Variants in WDR44 observed in about 807,000 individuals in gnomAD.
WDR44 encodes the protein WD repeat domain 44, also known as WD repeat-containing protein 44.
Under a neutral mutation model 65.7 loss-of-function variants are expected in WDR44, and 9 were observed. That is an observed-to-expected ratio of 0.14 (90% CI 0.08 to 0.24). The LOEUF is 0.24. Among genes scored for constraint, WDR44 ranks in the 10% least tolerant of loss-of-function variants. The probability of loss-of-function intolerance (pLI) is 1.00; values close to 1 mark genes in which losing one functional copy is unlikely to be tolerated. For missense variants in WDR44, 425 were observed against 670.9 expected, an observed-to-expected ratio of 0.63 and a Z score of 4.05; for synonymous variants, 220 against 235.2, an observed-to-expected ratio of 0.94 and a Z score of 0.59.
chrX:118,410,498 G>A (rs2057003998), intron 11 of WDR44, among the ~76,000 whole-genome samples: 1 of 111,585 alleles, frequency 9.0e-6, no homozygotes, highest in African/African-American at 3.3e-5. Context: ...TCCTAGCTGT[G>A]TGTCATTTCT....
chrX:118,364,844 T>C lies in WDR44; in HGVS notation c.78-13575T>C, dbSNP rs751167709. Among the ~76,000 whole-genome samples, 3 of 112,491 alleles carry C rather than the reference T, an allele frequency of 2.7e-5. No homozygotes were observed. The South Asian group carries it at 1.1e-3, about 41-fold the overall frequency. ...TAAACTCAGGTTGTTACTGAGATTG[T>C]TAGGTTGAACAAAAGCCTATCTCTT... is the stretch of plus-strand genomic sequence containing the variant. On this transcript the variant is annotated intron_variant, in intron 1 of 19. Transcript: ENST00000254029.
intron 1 of WDR44, among the ~76,000 whole-genome samples, chrX:118,368,068 T>C (rs2056569374): frequency 8.9e-6 from 1 of 111,961 alleles, no homozygotes; most frequent in African/African-American, 3.3e-5. Flanking sequence ...GTTCTCAACA[T>C]ACTAAATTAG....
chrX:118,441,022 C>T (rs914340719), intron 14 of WDR44, among the ~76,000 whole-genome samples: 3 of 83,334 alleles, frequency 3.6e-5, no homozygotes, highest in Admixed American at 3.5e-4. Context: ...TACAGTGGTG[C>T]GATCTTGGCT....
intron 8 of WDR44, among the ~76,000 whole-genome samples, chrX:118,400,890 A>G (rs1308541599): frequency 7.9e-4 from 77 of 97,814 alleles, no homozygotes; most frequent in Middle Eastern, 9.8e-3. Flanking sequence ...TCATTGTTCA[A>G]TTCCCACCTA....
intron 18 of WDR44, 141 bp from the exon 19 acceptor site, chrX:118,444,219 T>G: frequency 6.2e-6 from 4 of 650,400 alleles, no homozygotes; most frequent in Non-Finnish European, 8.8e-6. Flanking sequence ...ATGTGATTTT[T>G]TTTAGAAAAA....
At chrX:118,399,251 G>A (rs939460761) in intron 8 of WDR44, among the ~76,000 whole-genome samples, 11 of 111,921 alleles carry the variant, frequency 9.8e-5, no homozygotes, top group African/African-American at 2.3e-4. Context: ...CAATCAAAGC[G>A]TATGTTGCAA....
chrX:118,382,253 T>C (rs1472264270), intron 2 of WDR44, among the ~76,000 whole-genome samples: 1 of 111,387 alleles, frequency 9.0e-6, no homozygotes, highest in Non-Finnish European at 1.9e-5. Flanking sequence ...TGTTTGTTTG[T>C]TTTTGCTCGG....
chrX:118,352,352 A>ATTTTTTTTTTT (rs556374639), intron 1 of WDR44, among the ~76,000 whole-genome samples: 3 of 14,224 alleles, frequency 2.1e-4, no homozygotes, highest in African/African-American at 1.1e-3. Context: ...ATATATATAT[A>ATTTTTTTTTTT]TTTTTTTTTT....
chrX:118,388,399 C>T (rs1490221625), intron 3 of WDR44, among the ~76,000 whole-genome samples: 1 of 111,352 alleles, frequency 9.0e-6, no homozygotes, highest in Non-Finnish European at 1.9e-5. Context: ...TCCCACCTCA[C>T]CCTCCTGAGT....
At chrX:118,422,430 C>T (rs1284693941) in intron 12 of WDR44, among the ~76,000 whole-genome samples, 3 of 109,786 alleles carry the variant, frequency 2.7e-5, no homozygotes, top group African/African-American at 1.0e-4. Flanking sequence ...GTGGCTCATG[C>T]CTGTAATCCT....
intron 1 of WDR44, among the ~76,000 whole-genome samples, chrX:118,376,874 C>T (rs149827047): frequency 1.7e-3 from 192 of 110,353 alleles, no homozygotes; most frequent in Admixed American, 0.015. Context: ...CATGGTGGCA[C>T]GTGCCTGTAG....
In WDR44 at chrX:118,406,880, C is replaced by T; in HGVS notation, c.1387C>T (p.His463Tyr). 1.7e-6 allele frequency: 2 copies of T among 1,206,246 alleles called. No homozygotes were observed. Among genetic ancestry groups the T allele is most frequent in the Non-Finnish European group, 2.2e-6 (2 of 892,355 alleles). ...TCTGTTGCTTTTCTGTTCAGTGTTT[C>T]ATACTGATCAAGATGATCCTTCATC... ...KVKSVRDEVF[H>Y]TDQDDPSSSD... is the part of the protein sequence containing the mutation. The change falls in exon 10 of 20, where the codon CAT becomes TAT. Residue 463 changes from histidine (H) to tyrosine (Y), a missense_variant. Physicochemically the swap from His to Tyr is moderately conservative, Grantham distance 83. Coordinates refer to ENST00000254029, the MANE Select transcript of WDR44 (RefSeq NM_019045.5).
chrX:118,390,487 C>T (rs1458779028), intron 3 of WDR44, among the ~76,000 whole-genome samples: 2 of 111,521 alleles, frequency 1.8e-5, no homozygotes, highest in Admixed American at 1.9e-4. Context: ...ATAGTTCATA[C>T]TATACTGAAC....
chrX:118,418,429 G>C (rs1055303087), intron 12 of WDR44, among the ~76,000 whole-genome samples: 1 of 110,781 alleles, frequency 9.0e-6, no homozygotes, highest in African/African-American at 3.3e-5. Flanking sequence ...CCTGTGAGCC[G>C]AGCTGCAGGG....
Position 118,441,450 on chromosome X carries a change from A to G in WDR44, c.2057A>G (p.Asn686Ser). ...NIPDKKVALW[N>S]EVDGQTKLIT... Reference sequence around the variant, plus strand: ...CCTGACAAAAAAGTGGCTTTGTGGAATGAAGTAGATGGTCAGACAAAATTG... The same window carrying G: ...CCTGACAAAAAAGTGGCTTTGTGGAGTGAAGTAGATGGTCAGACAAAATTG... Residue 686 changes from asparagine to serine, a missense_variant, in exon 15 of 20, where the codon AAT becomes AGT. By Grantham distance (46) the Asn-to-Ser change is conservative. Transcript: ENST00000254029. 1 of 1,211,378 alleles carries G rather than the reference A, an allele frequency of 8.3e-7. No individual in the cohort carries two copies. Among genetic ancestry groups the G allele is most frequent in the Non-Finnish European group, 1.1e-6 (1 of 895,088 alleles).
chrX:118,365,219 A>G lies in WDR44; in HGVS notation c.78-13200A>G, dbSNP rs139275033. 7.4e-3 allele frequency among the ~76,000 whole-genome samples: 835 copies of G among 112,407 alleles called. 10 individuals are homozygous for G. The highest frequency in any genetic ancestry group is 0.026 in the African/African-American group (799 of 30,958). On this transcript the variant is annotated intron_variant, in intron 1 of 19. Coordinates refer to ENST00000254029, the MANE Select transcript of WDR44 (RefSeq NM_019045.5). ...GCCATATCACAGTCTTTGTCTGAGC[A>G]ATCAACCAAAATACCTAAATGTTTT...
chrX:118,351,811 A>G (rs907372182), intron 1 of WDR44, among the ~76,000 whole-genome samples: 1 of 110,489 alleles, frequency 9.1e-6, no homozygotes, highest in Admixed American at 9.7e-5. Context: ...TTAGCCGAGC[A>G]TGGTAGCACA....
At chrX:118,351,135 T>C (rs755998565) in intron 1 of WDR44, among the ~76,000 whole-genome samples, 38 of 112,539 alleles carry the variant, frequency 3.4e-4, no homozygotes, top group Middle Eastern at 9.2e-3. Flanking sequence ...TAAGTTTTGC[T>C]TACGAGTTTT....
At chrX:118,442,746 T>C (rs947561994) in intron 17 of WDR44, 66 bp downstream of exon 17, 1 of 910,031 alleles carries the variant, frequency 1.1e-6, no homozygotes, top group African/African-American at 1.9e-5. Flanking sequence ...CATTTTTCCA[T>C]TGGTCTATGC....
Sources: allele counts gnomAD v4.1 joint callset (sites outside exome capture counted in the v4.1 genomes callset), GRCh38; gene constraint gnomAD v4.1.1; transcripts MANE v1.5; gene names NCBI Gene and HGNC (gene_info 2026-07-23, HGNC 2026-07-21).